INPP4A: variants seen among roughly 807,000 people sequenced by gnomAD.
The protein encoded by INPP4A is inositol polyphosphate-4-phosphatase type I A.
Under a neutral mutation model 119.8 loss-of-function variants are expected in INPP4A, and 33 were observed. The observed-to-expected ratio is 0.28, with a 90% CI of 0.21 to 0.37. The LOEUF (loss-of-function observed/expected upper bound fraction) is 0.37. Ranked by LOEUF, INPP4A falls within the 10% of genes least tolerant of loss-of-function variation. INPP4A has a pLI of 1.00. For synonymous variants in INPP4A, 496 were observed against 500.7 expected (o/e 0.99, Z 0.12); for missense variants, 956 against 1,289.9 (o/e 0.74, Z 3.97).
intron 24 of INPP4A, among the ~76,000 whole-genome samples, chr2:98,579,817 A>C (rs1416151866): frequency 6.6e-6 from 1 of 152,222 alleles, no homozygotes; most frequent in Non-Finnish European, 1.5e-5. Flanking sequence ...TTGTTTTCTG[A>C]AATCTCTACA....
intron 1 of INPP4A, among the ~76,000 whole-genome samples, chr2:98,476,853 C>T (rs995571104): frequency 6.6e-6 from 1 of 152,172 alleles, no homozygotes. Flanking sequence ...TAACCTTCTT[C>T]AAGGCCTTGT....
intron 1 of INPP4A, among the ~76,000 whole-genome samples, chr2:98,457,978 ATTTTTTT>A (rs766066774): frequency 0.011 from 1,442 of 137,160 alleles, 29 homozygotes; most frequent in African/African-American, 0.034. Flanking sequence ...TTAAACAAAA[ATTTTTTT>A]TTTTTTTTTT....
At chr2:98,501,942 C>G (rs982983936) in intron 1 of INPP4A, among the ~76,000 whole-genome samples, 5 of 152,208 alleles carry the variant, frequency 3.3e-5, no homozygotes, top group African/African-American at 1.2e-4. Context: ...TAGTGTTAGT[C>G]TTGGCCTGTG....
At chr2:98,461,419 G>T (rs1034147329) in intron 1 of INPP4A, among the ~76,000 whole-genome samples, 2 of 152,230 alleles carry the variant, frequency 1.3e-5, no homozygotes, top group Non-Finnish European at 2.9e-5. Flanking sequence ...AGGGGTGCCT[G>T]CCCCAGAGCA....
At chr2:98,451,173 C>T (rs1574453236) in intron 1 of INPP4A, among the ~76,000 whole-genome samples, 1 of 152,268 alleles carries the variant, frequency 6.6e-6, no homozygotes, top group East Asian at 1.9e-4. Flanking sequence ...TTTGTCATGC[C>T]CTATCAGGCT....
intron 1 of INPP4A, among the ~76,000 whole-genome samples, chr2:98,461,308 A>G (rs1209850788): frequency 1.3e-5 from 2 of 152,362 alleles, no homozygotes; most frequent in Middle Eastern, 3.4e-3. Context: ...AAGTCAGAGA[A>G]GAAGGAAGTG....
At chr2:98,449,031 T>A (rs1200589994) in intron 1 of INPP4A, among the ~76,000 whole-genome samples, 1 of 152,208 alleles carries the variant, frequency 6.6e-6, no homozygotes, top group African/African-American at 2.4e-5. Flanking sequence ...ATGTATCCCA[T>A]CAGGAGGCAT....
At chr2:98,452,250 T>A (rs990185854) in intron 1 of INPP4A, among the ~76,000 whole-genome samples, 2 of 152,174 alleles carry the variant, frequency 1.3e-5, no homozygotes. Flanking sequence ...GTGAGAGTGC[T>A]GTGTGCTGGT....
At chr2:98,506,529 T>C (rs1386874753) in intron 1 of INPP4A, among the ~76,000 whole-genome samples, 4 of 152,228 alleles carry the variant, frequency 2.6e-5, no homozygotes, top group Non-Finnish European at 5.9e-5. Context: ...ATTTTTTACC[T>C]ACAGAGACCT....
At chr2:98,524,257 T>G (rs1037691695) in intron 4 of INPP4A, among the ~76,000 whole-genome samples, 31 of 142,094 alleles carry the variant, frequency 2.2e-4, no homozygotes, top group African/African-American at 7.5e-4. Flanking sequence ...ACAGCATTTA[T>G]TTAGTGTTTA....
chr2:98,567,887 G>A (rs1237825624), intron 21 of INPP4A, among the ~76,000 whole-genome samples: 1 of 152,144 alleles, frequency 6.6e-6, no homozygotes, highest in African/African-American at 2.4e-5. Flanking sequence ...GGATGCTCTC[G>A]GGCCACAGAG....
At chr2:98,446,751 T>C (rs1558844384) in intron 1 of INPP4A, among the ~76,000 whole-genome samples, 1 of 152,178 alleles carries the variant, frequency 6.6e-6, no homozygotes, top group African/African-American at 2.4e-5. Context: ...GTAAGTCTTG[T>C]TTCCCAACTA....
rs544181602 is a variant in INPP4A, at chr2:98,501,176, G to A, written c.-165-17788G>A. Among the ~76,000 whole-genome samples, 3 of 152,294 alleles carry A rather than the reference G, an allele frequency of 2.0e-5. No homozygotes were observed. The East Asian group carries it at 5.8e-4, about 29-fold the overall frequency. ...TACTAAAAATACAAAAATTAGCTGG[G>A]TGTGGTGGCATGTGCCTGTAGTCCC... On this transcript the variant is annotated intron_variant, in intron 1 of 24. Coordinates refer to ENST00000409851, the MANE Select transcript of INPP4A (RefSeq NM_001134225.2).
At chr2:98,523,595 T>G (rs911506076) in intron 4 of INPP4A, among the ~76,000 whole-genome samples, 1 of 151,866 alleles carries the variant, frequency 6.6e-6, no homozygotes, top group Non-Finnish European at 1.5e-5. Flanking sequence ...GGGGTTTCAC[T>G]GTGTTAGCCA....
At chr2:98,575,770 G>A (rs1698315439) in intron 23 of INPP4A, among the ~76,000 whole-genome samples, 1 of 152,084 alleles carries the variant, frequency 6.6e-6, no homozygotes, top group Admixed American at 6.6e-5. Flanking sequence ...ATATTTTTCT[G>A]GCATACAACA....
chr2:98,514,152 C>T (rs921093862), intron 1 of INPP4A, among the ~76,000 whole-genome samples: 5 of 152,146 alleles, frequency 3.3e-5, no homozygotes, highest in Non-Finnish European at 5.9e-5. Flanking sequence ...GTCGTCTTTA[C>T]GTTAAAGTCA....
At chr2:98,527,695 A>G (rs1215544392) in intron 4 of INPP4A, among the ~76,000 whole-genome samples, 2 of 152,144 alleles carry the variant, frequency 1.3e-5, no homozygotes, top group Admixed American at 6.5e-5. Context: ...TTGAAAATGC[A>G]CCCCAGTATA....
rs1371964893 is a variant in INPP4A, at chr2:98,594,381, G to A, written c.*6773G>A. 6.6e-6 allele frequency: 1 copy of A among 152,122 alleles called. No individual in the cohort carries two copies. The highest frequency in any genetic ancestry group is 1.5e-5 in the Non-Finnish European group (1 of 68,024). 9.4% of individuals were successfully genotyped at this position (152,122 alleles called of 1,614,324 possible). ...GGTTGTTTAACAGTAAAAATTAAATGTTTAAAACCCACCATTACTGAGAAT... is the reference window on the plus strand; with the variant it reads ...GGTTGTTTAACAGTAAAAATTAAATATTTAAAACCCACCATTACTGAGAAT... On this transcript the variant is annotated 3_prime_UTR_variant, in exon 25 of 25. Coordinates refer to ENST00000409851, the MANE Select transcript of INPP4A (RefSeq NM_001134225.2).
chr2:98,500,387 G>C (rs1682882682), intron 1 of INPP4A, among the ~76,000 whole-genome samples: 1 of 152,176 alleles, frequency 6.6e-6, no homozygotes, highest in Non-Finnish European at 1.5e-5. Flanking sequence ...ATGGCGTGCT[G>C]TCCTCCATGC....
Sources: allele counts gnomAD v4.1 joint callset (sites outside exome capture counted in the v4.1 genomes callset), GRCh38; gene constraint gnomAD v4.1.1; transcripts MANE v1.5; gene names NCBI Gene and HGNC (gene_info 2026-07-23, HGNC 2026-07-21).